ARHGAP15: variants seen among roughly 807,000 people sequenced by gnomAD.
ARHGAP15 encodes the protein Rho GTPase activating protein 15.
ARHGAP15 carries 51 observed loss-of-function variants against 63.7 expected under a neutral mutation model. That is an observed-to-expected ratio of 0.80 (90% CI 0.64 to 1.01). The LOEUF (loss-of-function observed/expected upper bound fraction) is 1.01, where lower values mean the gene tolerates loss of function less well. Among genes scored for constraint, ARHGAP15 ranks in the 50% least tolerant of loss-of-function variants. The pLI is 0.00. For synonymous variants in ARHGAP15, 191 were observed against 193.8 expected (o/e 0.99, Z 0.12); for missense variants, 560 against 564.6 (o/e 0.99, Z 0.08).
chr2:143,611,512 C>T lies in ARHGAP15; in HGVS notation c.1004-12621C>T, dbSNP rs563567000. Among the ~76,000 whole-genome samples, 6 of 152,262 alleles carry T rather than the reference C, an allele frequency of 3.9e-5. No individual in the cohort carries two copies. The East Asian group carries it at 5.8e-4, about 15-fold the overall frequency. On this transcript the variant is annotated intron_variant, in intron 11 of 13. Transcript: ENST00000295095. ...GACATAAGATCATGCAGATAAAGTA[C>T]CAAGCACAGCGGCTGGCACATGACA...
intron 12 of ARHGAP15, among the ~76,000 whole-genome samples, chr2:143,676,975 A>G (rs1030635619): frequency 6.6e-6 from 1 of 152,252 alleles, no homozygotes; most frequent in Admixed American, 6.5e-5. Flanking sequence ...ATTAAATTGT[A>G]TATTTAAGAT....
chr2:143,625,489 C>CTGCTGT (rs1553514390), intron 12 of ARHGAP15, among the ~76,000 whole-genome samples: 5 of 151,952 alleles, frequency 3.3e-5, no homozygotes, highest in Non-Finnish European at 7.4e-5. Flanking sequence ...GCTGCTGCTG[C>CTGCTGT]TGTTGTTGAA....
intron 9 of ARHGAP15, among the ~76,000 whole-genome samples, chr2:143,515,909 C>A (rs1232559247): frequency 6.6e-6 from 1 of 152,176 alleles, no homozygotes; most frequent in Admixed American, 6.5e-5. Context: ...ATGTATTCCT[C>A]GGCATACCCC....
intron 2 of ARHGAP15, among the ~76,000 whole-genome samples, chr2:143,160,612 CA>C (rs1251159706): frequency 2.0e-5 from 3 of 151,918 alleles, no homozygotes; most frequent in Admixed American, 6.6e-5. Context: ...AAAACAGCAA[CA>C]AACAAATAAG....
chr2:143,169,037 G>A (rs900358227), intron 2 of ARHGAP15, among the ~76,000 whole-genome samples: 1 of 152,000 alleles, frequency 6.6e-6, no homozygotes, highest in Admixed American at 6.6e-5. Flanking sequence ...ACATGGCCAA[G>A]GGCCTCTTTA....
In ARHGAP15 at chr2:143,265,022, G is replaced by A. The variant is rs149103133; in HGVS notation, c.474+14422G>A. ...TTCTAGGAAGGATGCCAGGTTACAC[G>A]GAATCATACCAGAGTCTTAGAATCA... is the stretch of plus-strand genomic sequence containing the variant. On this transcript the variant is annotated intron_variant, in intron 6 of 13. Transcript: ENST00000295095. Among the ~76,000 whole-genome samples, 31 of 152,174 alleles carry A rather than the reference G, an allele frequency of 2.0e-4. 1 individual carries two copies. In the East Asian group the frequency reaches 3.7e-3, roughly 18 times the overall value.
At chr2:143,320,780 G>A (rs1683982162) in intron 6 of ARHGAP15, among the ~76,000 whole-genome samples, 1 of 152,024 alleles carries the variant, frequency 6.6e-6, no homozygotes. Flanking sequence ...TAATGGATTG[G>A]GTTTTTAAAG....
intron 6 of ARHGAP15, among the ~76,000 whole-genome samples, chr2:143,380,426 T>G (rs1687013227): frequency 6.6e-6 from 1 of 152,150 alleles, no homozygotes; most frequent in African/African-American, 2.4e-5. Context: ...AAGTCCAGTT[T>G]GTTAGAGATA....
chr2:143,626,055 G>C (rs1698823167), intron 12 of ARHGAP15, among the ~76,000 whole-genome samples: 1 of 152,086 alleles, frequency 6.6e-6, no homozygotes, highest in South Asian at 2.1e-4. Flanking sequence ...TCATCTCAGG[G>C]ATATTCTAGA....
intron 12 of ARHGAP15, among the ~76,000 whole-genome samples, chr2:143,661,908 C>T (rs1225035587): frequency 2.6e-5 from 4 of 152,212 alleles, no homozygotes; most frequent in South Asian, 2.1e-4. Context: ...GCACCTGGCT[C>T]GGAGGGTCCT....
chr2:143,141,884 C>T (rs1385347083), intron 1 of ARHGAP15, among the ~76,000 whole-genome samples: 4 of 151,990 alleles, frequency 2.6e-5, no homozygotes, highest in East Asian at 1.9e-4. Flanking sequence ...GAGCCACAGT[C>T]GGGAATGCCT....
At chr2:143,233,071 C>A (rs185917465) in intron 5 of ARHGAP15, among the ~76,000 whole-genome samples, 4 of 152,258 alleles carry the variant, frequency 2.6e-5, no homozygotes, top group Admixed American at 1.3e-4. Context: ...TTATCCCTTT[C>A]TCAATGTATA....
At chr2:143,218,706 G>T (rs1331465206) in intron 4 of ARHGAP15, among the ~76,000 whole-genome samples, 1 of 152,158 alleles carries the variant, frequency 6.6e-6, no homozygotes, top group Admixed American at 6.5e-5. Flanking sequence ...CCTGAGAGAT[G>T]CATCCTTAGG....
At chr2:143,523,988 C>A (rs934489690) in intron 10 of ARHGAP15, among the ~76,000 whole-genome samples, 5 of 152,092 alleles carry the variant, frequency 3.3e-5, no homozygotes, top group Non-Finnish European at 4.4e-5. Context: ...AATGCCTCAG[C>A]AGATGCTAAT....
At chr2:143,717,613 G>C (rs1684865774) in intron 13 of ARHGAP15, among the ~76,000 whole-genome samples, 2 of 152,132 alleles carry the variant, frequency 1.3e-5, no homozygotes, top group Admixed American at 1.3e-4. Context: ...GTTGTTCCCT[G>C]AAAAGAAAAA....
At chr2:143,458,439 G>A (rs143133602) in intron 8 of ARHGAP15, among the ~76,000 whole-genome samples, 185 of 152,280 alleles carry the variant, frequency 1.2e-3, no homozygotes, top group Non-Finnish European at 2.0e-3. Context: ...CAGGGAGACA[G>A]TTACTGAGAC....
At chr2:143,262,292 T>G (rs931889456) in intron 6 of ARHGAP15, among the ~76,000 whole-genome samples, 3 of 152,130 alleles carry the variant, frequency 2.0e-5, no homozygotes, top group Non-Finnish European at 4.4e-5. Flanking sequence ...TGCCATGTCT[T>G]CAAAATGATG....
intron 6 of ARHGAP15, among the ~76,000 whole-genome samples, chr2:143,293,389 T>A (rs1477278614): frequency 6.6e-6 from 1 of 152,136 alleles, no homozygotes; most frequent in East Asian, 1.9e-4. Context: ...CAACAAAGTG[T>A]TCCTGAAAAT....
chr2:143,147,526 A>G (rs1689640187), intron 1 of ARHGAP15, among the ~76,000 whole-genome samples: 1 of 152,034 alleles, frequency 6.6e-6, no homozygotes, highest in South Asian at 2.1e-4. Context: ...ACAATGGCGC[A>G]GGCATTTTCT....
Sources: gnomAD v4.1 joint callset for allele counts (sites outside exome capture counted in the v4.1 genomes callset) on GRCh38, gnomAD v4.1.1 for gene constraint, MANE v1.5 for transcripts, NCBI Gene and HGNC (gene_info 2026-07-23, HGNC 2026-07-21) for gene names.